The following SAMHD1 variants were observed in gnomAD, a reference collection of about 807,000 sequenced individuals.
SAMHD1 encodes the protein SAM and HD domain containing deoxynucleoside triphosphate triphosphohydrolase 1.
SAMHD1 carries 54 observed loss-of-function variants against 79.6 expected under a neutral mutation model. The observed-to-expected ratio is 0.68, with a 90% CI of 0.55 to 0.85. The LOEUF (loss-of-function observed/expected upper bound fraction) is 0.85, where lower values mean the gene tolerates loss of function less well. Among genes scored for constraint, SAMHD1 ranks in the 40% least tolerant of loss-of-function variants. The probability of loss-of-function intolerance (pLI) is 0.00; values close to 1 mark genes in which losing one functional copy is unlikely to be tolerated. For synonymous variants in SAMHD1, 260 were observed against 264.1 expected, an observed-to-expected ratio of 0.98 and a Z score of 0.15; for missense variants, 663 against 782.7, an observed-to-expected ratio of 0.85 and a Z score of 1.82.
intron 11 of SAMHD1, among the ~76,000 whole-genome samples, chr20:36,906,173 C>T (rs2063404199): frequency 1.3e-5 from 2 of 152,180 alleles, no homozygotes; most frequent in African/African-American, 4.8e-5. Context: ...CGCTGTGGCT[C>T]ACACCTGTGA....
Position 36,951,650 on chromosome 20 carries a change from A to T in SAMHD1, c.-7T>A, listed in dbSNP as rs770810362. 1.2e-6 allele frequency: 2 copies of T among 1,612,726 alleles called. No homozygotes were observed. Among genetic ancestry groups the T allele is most frequent in the Non-Finnish European group, 1.7e-6 (2 of 1,179,946 alleles). ...CGGAATCGGCTCGCTGCATGGCTACACCTGGCGTCCGGCACAGCAGTCAAG... is the reference window on the plus strand; with the variant it reads ...CGGAATCGGCTCGCTGCATGGCTACTCCTGGCGTCCGGCACAGCAGTCAAG... On this transcript the variant is annotated 5_prime_UTR_variant, in exon 1 of 16. Coordinates refer to ENST00000646673, the MANE Select transcript of SAMHD1 (RefSeq NM_015474.4).
chr20:36,942,006 T>TAAGGGGAGTCACATAGTTGAGCAA (rs1278286712), intron 2 of SAMHD1, among the ~76,000 whole-genome samples: 1 of 152,206 alleles, frequency 6.6e-6, no homozygotes, highest in African/African-American at 2.4e-5. Context: ...GGACTTAGTT[T>TAAGGGGAGTCACATAGTTGAGCAA]AAGGGGAGTC....
chr20:36,938,013 C>T (rs899994516), intron 3 of SAMHD1, among the ~76,000 whole-genome samples: 4 of 151,746 alleles, frequency 2.6e-5, no homozygotes, highest in African/African-American at 9.7e-5. Context: ...TGTGCACTAC[C>T]ACACCCAGCT....
intron 6 of SAMHD1, among the ~76,000 whole-genome samples, chr20:36,926,717 C>G (rs1202771081): frequency 2.0e-5 from 3 of 152,076 alleles, no homozygotes; most frequent in Non-Finnish European, 4.4e-5. Flanking sequence ...AAAATTGATT[C>G]CAAAATATGG....
At chr20:36,932,139 C>T (rs955756277) in intron 4 of SAMHD1, among the ~76,000 whole-genome samples, 10 of 151,758 alleles carry the variant, frequency 6.6e-5, no homozygotes, top group Non-Finnish European at 1.2e-4. Flanking sequence ...ATTAGCTGGG[C>T]GTGGTGGCAG....
intron 11 of SAMHD1, among the ~76,000 whole-genome samples, chr20:36,910,906 T>C (rs537453857): frequency 6.6e-5 from 10 of 152,156 alleles, no homozygotes; most frequent in African/African-American, 1.9e-4. Flanking sequence ...ACTTTATTGG[T>C]ACAAGACAGA....
At position 36,892,570 on chromosome 20, in the gene SAMHD1, C is replaced by G; in HGVS notation, c.*362G>C. The G allele has an allele frequency of 3.4e-6, 1 of 296,238 alleles. No homozygotes were observed. 18.4% of individuals were successfully genotyped at this position (296,238 alleles called of 1,614,324 possible). A position where few individuals can be genotyped will look rare whatever the true frequency, so the allele number is the denominator to read the frequency against. On this transcript the variant is annotated 3_prime_UTR_variant, in exon 16 of 16. Coordinates refer to ENST00000646673, the MANE Select transcript of SAMHD1 (RefSeq NM_015474.4). ...ACTTGGGGGGCTGAGGCAGGAGGGTCGCTTGAGCCCAGGAAAGTTCGAGTC... is the reference window on the plus strand; with the variant it reads ...ACTTGGGGGGCTGAGGCAGGAGGGTGGCTTGAGCCCAGGAAAGTTCGAGTC...
intron 3 of SAMHD1, among the ~76,000 whole-genome samples, chr20:36,936,286 A>C (rs6065494): frequency 0.82 from 124,322 of 151,942 alleles, 51,121 homozygotes; most frequent in East Asian, 0.97. Flanking sequence ...ACAGCTGAAC[A>C]ATGTGTTTAT....
At position 36,919,408 on chromosome 20, in the gene SAMHD1, C is replaced by T. The variant is rs2063492731; in HGVS notation, c.808G>A (p.Glu270Lys). ...GATTCAAGTGGTCCTACAATTTGTTCCTTTATAAAGCAAATATCTTCTTCA... is the reference window on the plus strand; with the variant it reads ...GATTCAAGTGGTCCTACAATTTGTTTCTTTATAAAGCAAATATCTTCTTCA... ...IPEEDICFIK[E>K]QIVGPLESPV... Residue 270 changes from glutamate to lysine, a missense_variant, in exon 7 of 16, where the codon GAA becomes AAA. Transcript: ENST00000646673. 1.9e-5 allele frequency: 31 copies of T among 1,613,570 alleles called. No individual in the cohort carries two copies. Among genetic ancestry groups the T allele is most frequent in the Non-Finnish European group, 2.6e-5 (31 of 1,179,720 alleles).
At chr20:36,900,109 A>G (rs1032031463) in intron 13 of SAMHD1, among the ~76,000 whole-genome samples, 1 of 151,546 alleles carries the variant, frequency 6.6e-6, no homozygotes, top group South Asian at 2.1e-4. Flanking sequence ...AAAAAAAAAA[A>G]TGTAAGAGAA....
chr20:36,937,138 C>T (rs950867662), intron 3 of SAMHD1, among the ~76,000 whole-genome samples: 1 of 97,512 alleles, frequency 1.0e-5, no homozygotes, highest in African/African-American at 6.0e-5. Flanking sequence ...GAGACTCTAT[C>T]TCAAAAAAAA....
chr20:36,936,109 C>T (rs1257630743), intron 3 of SAMHD1, among the ~76,000 whole-genome samples: 1 of 151,840 alleles, frequency 6.6e-6, no homozygotes, highest in Non-Finnish European at 1.5e-5. Context: ...TGCAGTGGCG[C>T]ACATCTGTAG....
At chr20:36,893,431 T>C (rs1204307647) in intron 15 of SAMHD1, 1 of 341,252 alleles carries the variant, frequency 2.9e-6, no homozygotes, top group African/African-American at 2.1e-5. Context: ...TCTCGCCTGG[T>C]CCCCTCTGCA....
intron 6 of SAMHD1, among the ~76,000 whole-genome samples, chr20:36,923,253 C>A (rs1177498543): frequency 6.6e-6 from 1 of 152,056 alleles, no homozygotes; most frequent in Non-Finnish European, 1.5e-5. Context: ...CCCACCTTGG[C>A]CTCCCAAAGT....
At chr20:36,938,573 G>A (rs1601147435) in intron 3 of SAMHD1, among the ~76,000 whole-genome samples, 2 of 151,838 alleles carry the variant, frequency 1.3e-5, no homozygotes, top group Non-Finnish European at 2.9e-5. Flanking sequence ...ACGGTGGCAC[G>A]TGCCTGTAAT....
At chr20:36,919,761 A>G (rs955505024) in intron 6 of SAMHD1, among the ~76,000 whole-genome samples, 2 of 152,140 alleles carry the variant, frequency 1.3e-5, no homozygotes, top group Non-Finnish European at 2.9e-5. Flanking sequence ...ATTTAATGAT[A>G]TAATCATTTA....
chr20:36,941,790 C>T (rs2063645624), intron 2 of SAMHD1, among the ~76,000 whole-genome samples: 2 of 152,026 alleles, frequency 1.3e-5, no homozygotes. Flanking sequence ...GACTGGGAGT[C>T]AGAGGCACTA....
At chr20:36,935,385 G>A (rs2063596533) in intron 3 of SAMHD1, 196 bp from the exon 4 acceptor site, 1 of 585,222 alleles carries the variant, frequency 1.7e-6, no homozygotes, top group South Asian at 2.0e-5. Context: ...TATTGGATTT[G>A]AGTATATTTT....
At chr20:36,933,496 TTTA>T (rs2063580358) in intron 4 of SAMHD1, among the ~76,000 whole-genome samples, 1 of 151,966 alleles carries the variant, frequency 6.6e-6, no homozygotes, top group Admixed American at 6.6e-5. Context: ...TTAGCTTTTA[TTTA>T]TTTATTTATT....
Sources: allele counts gnomAD v4.1 joint callset (sites outside exome capture counted in the v4.1 genomes callset), GRCh38; gene constraint gnomAD v4.1.1; transcripts MANE v1.5; gene names NCBI Gene and HGNC (gene_info 2026-07-23, HGNC 2026-07-21).